Variants in PATJ observed in about 807,000 individuals in gnomAD.
The protein encoded by PATJ is inaD-like protein.
PATJ carries 190 observed loss-of-function variants against 224.9 expected under a neutral mutation model. That is an observed-to-expected ratio of 0.84 (90% CI 0.75 to 0.95). The LOEUF (loss-of-function observed/expected upper bound fraction) is 0.95, where lower values mean the gene tolerates loss of function less well. Ranked by LOEUF, PATJ falls within the 40% of genes least tolerant of loss-of-function variation. PATJ has a pLI of 0.00. For synonymous variants in PATJ, 769 were observed against 820.3 expected, an observed-to-expected ratio of 0.94 and a Z score of 1.07; for missense variants, 2,121 against 2,270.3, an observed-to-expected ratio of 0.93 and a Z score of 1.34.
At chr1:62,029,207 A>T (rs973544087) in intron 29 of PATJ, among the ~76,000 whole-genome samples, 1 of 152,278 alleles carries the variant, frequency 6.6e-6, no homozygotes, top group East Asian at 1.9e-4. Flanking sequence ...TTTAAGATGA[A>T]ACACACTTTC....
intron 11 of PATJ, among the ~76,000 whole-genome samples, chr1:61,800,754 G>A (rs143585259): frequency 0.012 from 1,873 of 151,750 alleles, 43 homozygotes; most frequent in African/African-American, 0.042. Flanking sequence ...AACAGGCCCC[G>A]GTGTGTGATG....
Position 61,911,512 on chromosome 1 carries a change from A to G in PATJ, c.3492+3030A>G, listed in dbSNP as rs1434081517. 2.6e-5 allele frequency among the ~76,000 whole-genome samples: 4 copies of G among 152,004 alleles called. No homozygotes were observed. In the East Asian group the frequency reaches 7.7e-4, roughly 29 times the overall value. On this transcript the variant is annotated intron_variant, in intron 25 of 43. Coordinates refer to ENST00000642238, the MANE Select transcript of PATJ (RefSeq NM_001350145.3). ...ACCTAGCCACCAATACACCTTTTAAATCTTCTTACCCTGACTTTCTCAAGT... is the reference window on the plus strand; with the variant it reads ...ACCTAGCCACCAATACACCTTTTAAGTCTTCTTACCCTGACTTTCTCAAGT...
At chr1:62,064,456 G>A (rs1656062449) in intron 31 of PATJ, among the ~76,000 whole-genome samples, 1 of 151,920 alleles carries the variant, frequency 6.6e-6, no homozygotes, top group African/African-American at 2.4e-5. Flanking sequence ...AGCCACCTGA[G>A]TAGCTGGGAT....
intron 1 of PATJ, among the ~76,000 whole-genome samples, chr1:61,747,450 T>C (rs919900637): frequency 6.6e-6 from 1 of 152,198 alleles, no homozygotes; most frequent in Admixed American, 6.5e-5. Context: ...TCCTCCAGAA[T>C]CTGGTCCCAT....
intron 13 of PATJ, among the ~76,000 whole-genome samples, chr1:61,805,904 CT>C (rs760354412): frequency 6.6e-6 from 1 of 152,214 alleles, no homozygotes; most frequent in Non-Finnish European, 1.5e-5. Context: ...TTATTGTACA[CT>C]GAAAGGACTG....
intron 41 of PATJ, among the ~76,000 whole-genome samples, chr1:62,147,651 T>G (rs1376562653): frequency 6.6e-6 from 1 of 151,950 alleles, no homozygotes; most frequent in Admixed American, 6.6e-5. Flanking sequence ...ATATAAAAAT[T>G]AGCTGGGCGT....
At chr1:62,032,485 AT>A in intron 29 of PATJ, among the ~76,000 whole-genome samples, 1 of 152,200 alleles carries the variant, frequency 6.6e-6, no homozygotes, top group Non-Finnish European at 1.5e-5. Flanking sequence ...GCTGTGACTT[AT>A]CATATAGTTT....
intron 14 of PATJ, among the ~76,000 whole-genome samples, chr1:61,822,183 G>T (rs371706946): frequency 6.6e-6 from 1 of 152,156 alleles, no homozygotes; most frequent in African/African-American, 2.4e-5. Flanking sequence ...TACAGACTCT[G>T]CATTCAGGTA....
At chr1:61,895,793 A>T (rs1432943309) in intron 22 of PATJ, among the ~76,000 whole-genome samples, 1 of 152,210 alleles carries the variant, frequency 6.6e-6, no homozygotes, top group Non-Finnish European at 1.5e-5. Context: ...ACGATCTTCC[A>T]GACCCCAGAA....
intron 26 of PATJ, among the ~76,000 whole-genome samples, chr1:61,917,749 T>C (rs1213844209): frequency 6.6e-6 from 1 of 151,538 alleles, no homozygotes; most frequent in African/African-American, 2.4e-5. Context: ...TCTCTGAGAG[T>C]TTGTATAAAA....
intron 22 of PATJ, among the ~76,000 whole-genome samples, chr1:61,888,896 T>A (rs150608101): frequency 6.6e-6 from 1 of 152,356 alleles, no homozygotes; most frequent in Non-Finnish European, 1.5e-5. Context: ...AACCTAACCT[T>A]GTCTTAGGAG....
intron 27 of PATJ, among the ~76,000 whole-genome samples, chr1:61,963,429 T>C (rs1681607166): frequency 6.6e-6 from 1 of 151,866 alleles, no homozygotes; most frequent in African/African-American, 2.4e-5. Context: ...ACCCTGTCTC[T>C]ACTAAAAATA....
At chr1:62,106,063 A>AATAT (rs1553268230) in intron 33 of PATJ, among the ~76,000 whole-genome samples, 6,632 of 39,382 alleles carry the variant, frequency 0.17, 1,593 homozygotes, top group Non-Finnish European at 0.25. Context: ...AAAAAAAAAA[A>AATAT]ATATATATAT....
chr1:62,108,427 T>C lies in PATJ; in HGVS notation c.4378-10T>C, dbSNP rs1663374449. 1 of 1,575,130 alleles carries C rather than the reference T, an allele frequency of 6.3e-7. No individual in the cohort carries two copies. Among genetic ancestry groups the C allele is most frequent in the Non-Finnish European group, 8.7e-7 (1 of 1,151,652 alleles). On this transcript the variant is annotated splice_polypyrimidine_tract_variant and intron_variant, in intron 33 of 43. Transcript: ENST00000642238. ...GTTGTTGAAAATGAGTAAGATTTTA[T>C]TTTTTATAGAATGCTATAGTTATCC... is the stretch of plus-strand genomic sequence containing the variant.
chr1:61,765,768 G>A (rs1250756436), intron 3 of PATJ, among the ~76,000 whole-genome samples: 3 of 152,000 alleles, frequency 2.0e-5, no homozygotes, highest in Admixed American at 6.6e-5. Flanking sequence ...TCGGTTTTTA[G>A]GCTCACAAAA....
At chr1:62,041,999 G>A (rs1651581541) in intron 30 of PATJ, among the ~76,000 whole-genome samples, 1 of 151,174 alleles carries the variant, frequency 6.6e-6, no homozygotes, top group Non-Finnish European at 1.5e-5. Context: ...AAATAAATAA[G>A]TAAATAAATA....
intron 31 of PATJ, among the ~76,000 whole-genome samples, chr1:62,071,716 A>G (rs1197669030): frequency 6.6e-6 from 1 of 152,266 alleles, no homozygotes; most frequent in African/African-American, 2.4e-5. Flanking sequence ...TCCTGACCTC[A>G]GGTGATCCAC....
At chr1:61,752,055 C>T (rs1420862621) in intron 1 of PATJ, among the ~76,000 whole-genome samples, 3 of 149,596 alleles carry the variant, frequency 2.0e-5, no homozygotes, top group South Asian at 4.2e-4. Flanking sequence ...GGAGAATCGC[C>T]TGAACCCGGG....
intron 16 of PATJ, among the ~76,000 whole-genome samples, chr1:61,832,347 C>T (rs1659491101): frequency 6.6e-6 from 1 of 152,108 alleles, no homozygotes; most frequent in African/African-American, 2.4e-5. Context: ...AGAATAAATA[C>T]ATAAATAAAT....
Sources: gnomAD v4.1 joint callset for allele counts (sites outside exome capture counted in the v4.1 genomes callset) on GRCh38, gnomAD v4.1.1 for gene constraint, MANE v1.5 for transcripts, NCBI Gene and HGNC (gene_info 2026-07-23, HGNC 2026-07-21) for gene names.